FTO: variants seen among roughly 807,000 people sequenced by gnomAD.
The protein encoded by FTO is alpha-ketoglutarate-dependent dioxygenase FTO.
FTO carries 47 observed loss-of-function variants against 63.9 expected under a neutral mutation model. That is an observed-to-expected ratio of 0.74 (90% confidence interval 0.58 to 0.94). FTO has a LOEUF of 0.94. Among genes scored for constraint, FTO ranks in the 40% least tolerant of loss-of-function variants. The pLI, the probability that FTO is intolerant of heterozygous loss-of-function variation, is 0.00. For synonymous variants in FTO, 207 were observed against 224.4 expected (o/e 0.92, Z 0.69); for missense variants, 562 against 618.1 (o/e 0.91, Z 0.96).
intron 8 of FTO, among the ~76,000 whole-genome samples, chr16:54,078,223 T>G: frequency 6.6e-6 from 1 of 151,234 alleles, no homozygotes; most frequent in East Asian, 1.9e-4. Flanking sequence ...ATATGTAAAC[T>G]TATATACAAA....
chr16:53,788,813 A>AC (rs1434386433), intron 1 of FTO, among the ~76,000 whole-genome samples: 4 of 152,132 alleles, frequency 2.6e-5, no homozygotes, highest in African/African-American at 9.7e-5. Context: ...CTCTATAAGT[A>AC]AGTGTGTAAA....
At chr16:54,055,240 G>A (rs1326404655) in intron 8 of FTO, among the ~76,000 whole-genome samples, 1 of 152,150 alleles carries the variant, frequency 6.6e-6, no homozygotes, top group Non-Finnish European at 1.5e-5. Flanking sequence ...ATCTTGAAGA[G>A]GCCACGAACA....
chr16:53,879,713 A>AT, intron 5 of FTO, 131 bp from the exon 6 acceptor site: 20 of 645,932 alleles, frequency 3.1e-5, no homozygotes, highest in Non-Finnish European at 3.9e-5. Flanking sequence ...AAAAAAAAAA[A>AT]GGAGTATAGA....
intron 8 of FTO, among the ~76,000 whole-genome samples, chr16:53,950,167 A>AC (rs1413582949): frequency 1.4e-5 from 2 of 147,896 alleles, no homozygotes; most frequent in African/African-American, 4.9e-5. Context: ...AAAAAAAAAA[A>AC]AAAAAAAAAA....
At chr16:53,757,281 A>G (rs1452011342) in intron 1 of FTO, among the ~76,000 whole-genome samples, 3 of 152,146 alleles carry the variant, frequency 2.0e-5, no homozygotes, top group Admixed American at 2.0e-4. Context: ...ATACATTGTT[A>G]TTAACTGTAG....
At chr16:53,756,996 A>G (rs1049685430) in intron 1 of FTO, among the ~76,000 whole-genome samples, 1 of 152,210 alleles carries the variant, frequency 6.6e-6, no homozygotes, top group African/African-American at 2.4e-5. Flanking sequence ...TAATAGGTGT[A>G]TAGCCAGGAG....
At chr16:53,721,696 T>A (rs1385834175) in intron 1 of FTO, among the ~76,000 whole-genome samples, 1 of 152,190 alleles carries the variant, frequency 6.6e-6, no homozygotes, top group African/African-American at 2.4e-5. Flanking sequence ...TGCTAACCAC[T>A]ATCCAAATGC....
rs1256803483 is a variant in FTO, at chr16:54,117,506, A to G, written c.*5591A>G. 1 of 152,198 alleles carries G rather than the reference A, an allele frequency of 6.6e-6. No homozygotes were observed. Among genetic ancestry groups the G allele is most frequent in the Non-Finnish European group, 1.5e-5 (1 of 68,036 alleles). The allele number at this position is 152,198 out of a possible 1,614,324, so 9.4% of individuals were successfully genotyped here. A position where few individuals can be genotyped will look rare whatever the true frequency, so the allele number is the denominator to read the frequency against. On this transcript the variant is annotated 3_prime_UTR_variant, in exon 9 of 9. Transcript: ENST00000471389. Reference sequence around the variant, plus strand: ...CTGGTACTTAAAAATCACGCCACGCATGTACATTATTATGATGAAAAATAT... The same window carrying G: ...CTGGTACTTAAAAATCACGCCACGCGTGTACATTATTATGATGAAAAATAT...
intron 8 of FTO, among the ~76,000 whole-genome samples, chr16:54,080,122 C>T (rs549879726): frequency 2.6e-5 from 4 of 152,138 alleles, no homozygotes; most frequent in Admixed American, 2.0e-4. Flanking sequence ...CATGGTGGCT[C>T]ACGTCTGTAA....
chr16:53,833,944 G>T (rs67741253), intron 3 of FTO, among the ~76,000 whole-genome samples: 5,305 of 152,076 alleles, frequency 0.035, 245 homozygotes, highest in East Asian at 0.1. Flanking sequence ...GTTGAGTTTT[G>T]TGAGTTCCTT....
intron 4 of FTO, among the ~76,000 whole-genome samples, chr16:53,857,858 T>C (rs1313067891): frequency 1.3e-5 from 2 of 152,208 alleles, no homozygotes; most frequent in Non-Finnish European, 2.9e-5. Flanking sequence ...TTATTCAAAT[T>C]GATGTTTCTA....
At chr16:53,737,315 C>G (rs1436421451) in intron 1 of FTO, among the ~76,000 whole-genome samples, 2 of 152,082 alleles carry the variant, frequency 1.3e-5, no homozygotes, top group Non-Finnish European at 2.9e-5. Flanking sequence ...AGGATACATT[C>G]TGAGAAATGC....
At chr16:53,749,474 T>A (rs750492262) in intron 1 of FTO, among the ~76,000 whole-genome samples, 1 of 151,758 alleles carries the variant, frequency 6.6e-6, no homozygotes, top group Non-Finnish European at 1.5e-5. Context: ...GTCTTCGCTC[T>A]GTGGCCCACG....
intron 8 of FTO, among the ~76,000 whole-genome samples, chr16:54,075,750 G>A (rs1599323983): frequency 6.6e-6 from 1 of 152,238 alleles, no homozygotes; most frequent in South Asian, 2.1e-4. Context: ...TTTGTGACAT[G>A]CTATAAATGA....
intron 3 of FTO, among the ~76,000 whole-genome samples, chr16:53,831,535 G>A (rs1036605967): frequency 2.6e-5 from 4 of 152,244 alleles, no homozygotes; most frequent in East Asian, 1.9e-4. Flanking sequence ...TTAACAATAA[G>A]CATCTACTAT....
At chr16:54,102,232 C>G (rs1349295035) in intron 8 of FTO, among the ~76,000 whole-genome samples, 1 of 152,138 alleles carries the variant, frequency 6.6e-6, no homozygotes, top group African/African-American at 2.4e-5. Context: ...GCATCCTGGA[C>G]ATAGGAATGG....
chr16:53,923,389 T>C (rs1468464557), intron 7 of FTO, among the ~76,000 whole-genome samples: 8 of 152,202 alleles, frequency 5.3e-5, no homozygotes, highest in Non-Finnish European at 1.0e-4. Flanking sequence ...TCCTGTACAT[T>C]AAAACAACAG....
In FTO at chr16:54,116,899, C is replaced by T. The variant is rs768906232; in HGVS notation, c.*4984C>T. On this transcript the variant is annotated 3_prime_UTR_variant, in exon 9 of 9. Transcript: ENST00000471389. ...TTTCCACCCCGGTTCCCAGGCAGCC[C>T]TGCTCCCATAGTCCTGTGTCCCATC... is the stretch of plus-strand genomic sequence containing the variant. 1 of 152,476 alleles carries T rather than the reference C, an allele frequency of 6.6e-6. No individual in the cohort carries two copies. Among genetic ancestry groups the T allele is most frequent in the African/African-American group, 2.4e-5 (1 of 41,432 alleles). The allele number at this position is 152,476 out of a possible 1,614,324, so 9.4% of individuals were successfully genotyped here.
intron 8 of FTO, among the ~76,000 whole-genome samples, chr16:54,016,578 T>C (rs1474824051): frequency 6.6e-6 from 1 of 152,236 alleles, no homozygotes; most frequent in Non-Finnish European, 1.5e-5. Context: ...TTTAATGTTC[T>C]CTAAAAAGCA....
Sources: allele counts gnomAD v4.1 joint callset (sites outside exome capture counted in the v4.1 genomes callset), GRCh38; gene constraint gnomAD v4.1.1; transcripts MANE v1.5; gene names NCBI Gene and HGNC (gene_info 2026-07-23, HGNC 2026-07-21).